The following PLEKHA6 variants were observed in gnomAD, a reference collection of about 807,000 sequenced individuals.
The protein encoded by PLEKHA6 is pleckstrin homology domain-containing family A member 6.
A neutral mutation model predicts 116.7 loss-of-function variants in PLEKHA6; 60 were observed. The ratio of observed to expected loss-of-function variants is 0.51; its 90% CI spans 0.42 to 0.64. The LOEUF is 0.64. Among genes scored for constraint, PLEKHA6 ranks in the 30% least tolerant of loss-of-function variants. PLEKHA6 has a pLI of 0.00. For synonymous variants in PLEKHA6, 489 were observed against 556.1 expected (o/e 0.88, Z 1.70); for missense variants, 1,338 against 1,422.7 (o/e 0.94, Z 0.96).
rs1286145001 is a variant in PLEKHA6 at position 204,328,399 on chromosome 1, C to CA, written c.-95+31294_-95+31295insT. Among the ~76,000 whole-genome samples, 30 of 125,872 alleles carry CA rather than the reference C, an allele frequency of 2.4e-4. No individual in the cohort carries two copies. In the Admixed American group the frequency reaches 2.4e-3, roughly 10 times the overall value. The allele number at this position is 125,872 out of a possible 152,430, so 82.6% of individuals were successfully genotyped here. The stretch of plus-strand genomic sequence containing the variant: ...ACCCAACCCACAGTCAATTTTCTTT[C>CA]TTTTTTTTTTTTTTTAGACAGAGTT... On this transcript the variant is annotated intron_variant, in intron 1 of 22. Transcript: ENST00000272203.
intron 1 of PLEKHA6, among the ~76,000 whole-genome samples, chr1:204,353,183 AT>A (rs969941858): frequency 1.3e-5 from 2 of 152,192 alleles, no homozygotes; most frequent in African/African-American, 4.8e-5. Flanking sequence ...GTTACCAACC[AT>A]TTTGTGACTG....
chr1:204,303,787 A>G (rs1436567318), intron 1 of PLEKHA6, among the ~76,000 whole-genome samples: 1 of 152,162 alleles, frequency 6.6e-6, no homozygotes, highest in Non-Finnish European at 1.5e-5. Context: ...AATCACGGCT[A>G]ACTGCAACCT....
At chr1:204,266,881 C>T (rs2102843017) in intron 5 of PLEKHA6, among the ~76,000 whole-genome samples, 1 of 152,304 alleles carries the variant, frequency 6.6e-6, no homozygotes, top group South Asian at 2.1e-4. Context: ...CCTCAGCCTG[C>T]CTTGGCACAA....
chr1:204,314,946 C>T (rs1000287775), intron 1 of PLEKHA6, among the ~76,000 whole-genome samples: 1 of 151,934 alleles, frequency 6.6e-6, no homozygotes, highest in Non-Finnish European at 1.5e-5. Context: ...CCTCGGTGCC[C>T]TCATGTGATC....
At position 204,261,181 on chromosome 1, in the gene PLEKHA6, G is replaced by T; in HGVS notation, c.524+125C>A. 2.6e-6 allele frequency: 3 copies of T among 1,158,494 alleles called. No homozygotes were observed. Among genetic ancestry groups the T allele is most frequent in the Non-Finnish European group, 2.6e-6 (2 of 782,066 alleles). The allele number at this position is 1,158,494 out of a possible 1,614,324, so 71.8% of individuals were successfully genotyped here. ...GCCTCCCGCCTGGATGCAAGGAGAC[G>T]GCTCACACATTCTCCAGGGCTTCAA... is the stretch of plus-strand genomic sequence containing the variant. On this transcript the variant is annotated intron_variant, in intron 7 of 22. Coordinates refer to ENST00000272203, the MANE Select transcript of PLEKHA6 (RefSeq NM_014935.5). The surrounding 1 kb of genome is among the most constrained non-coding windows in gnomAD (Gnocchi z 4.0).
intron 3 of PLEKHA6, among the ~76,000 whole-genome samples, chr1:204,272,857 T>C (rs1332485994): frequency 6.6e-6 from 1 of 152,256 alleles, no homozygotes; most frequent in East Asian, 1.9e-4. Context: ...CTCCAGTTCA[T>C]TTTAATTTTT....
At chr1:204,303,690 A>T (rs1671025620) in intron 1 of PLEKHA6, among the ~76,000 whole-genome samples, 1 of 152,094 alleles carries the variant, frequency 6.6e-6, no homozygotes, top group African/African-American at 2.4e-5. Context: ...AAATTTACAA[A>T]AGCTCCAATC....
At chr1:204,260,470 C>T (rs1665961340) in intron 7 of PLEKHA6, among the ~76,000 whole-genome samples, 1 of 152,190 alleles carries the variant, frequency 6.6e-6, no homozygotes, top group South Asian at 2.1e-4. Context: ...CACTACAGTG[C>T]CTTGCACATT....
chr1:204,249,505 G>C (rs10900567), intron 10 of PLEKHA6, among the ~76,000 whole-genome samples: 104,611 of 151,892 alleles, frequency 0.69, 36,294 homozygotes, highest in East Asian at 0.82. Context: ...GGGCTGAGAG[G>C]CAAGTGTTAA....
At chr1:204,278,304 T>G (rs1668234378) in intron 1 of PLEKHA6, among the ~76,000 whole-genome samples, 1 of 152,254 alleles carries the variant, frequency 6.6e-6, no homozygotes, top group Non-Finnish European at 1.5e-5. Flanking sequence ...CCAGACCCAC[T>G]GCTATCTTAT....
chr1:204,257,575 A>G lies in PLEKHA6; in HGVS notation c.1302T>C (p.Tyr434=). ...IPSPSRQPVY[Y]DELDAASSSL... ...AGCTAGAGGCGGCATCCAGCTCATC[A>G]TAATAGACTGGCTGCCGGGAGGGGC... Residue 434 remains tyrosine, a synonymous_variant, in exon 9 of 23, where the codon TAT becomes TAC. Coordinates refer to ENST00000272203, the MANE Select transcript of PLEKHA6 (RefSeq NM_014935.5). This position sits in a 1 kb window ranked among gnomAD's most constrained non-coding sequence, Gnocchi z 6.5. 3.7e-6 allele frequency: 6 copies of G among 1,607,372 alleles called. No homozygotes were observed. Among genetic ancestry groups the G allele is most frequent in the Non-Finnish European group, 5.1e-6 (6 of 1,176,772 alleles).
intron 6 of PLEKHA6, among the ~76,000 whole-genome samples, chr1:204,264,331 T>A (rs1012859159): frequency 1.2e-4 from 18 of 151,482 alleles, no homozygotes; most frequent in African/African-American, 4.4e-4. Flanking sequence ...TCCCCAGGGG[T>A]TCAAGGCAGT....
At chr1:204,234,695 C>T (rs1284028111) in intron 17 of PLEKHA6, among the ~76,000 whole-genome samples, 2 of 151,970 alleles carry the variant, frequency 1.3e-5, no homozygotes, top group Non-Finnish European at 2.9e-5. Context: ...ATGGGGAAGG[C>T]AGATCCATCC....
chr1:204,369,998 C>T (rs78476625), intron 2 of PLEKHA6, among the ~76,000 whole-genome samples: 2,759 of 152,288 alleles, frequency 0.018, 73 homozygotes, highest in Middle Eastern at 0.058. Flanking sequence ...ATAATCCTCT[C>T]CCCATTATAA....
At position 204,257,586 on chromosome 1, in the gene PLEKHA6, G is replaced by T; in HGVS notation, c.1291C>A (p.Pro431Thr). Residue 431 changes from proline (P) to threonine (T), a missense_variant, in exon 9 of 23, where the codon CCA becomes ACA. Pro to Thr is a conservative substitution (Grantham distance 38). This residue lies in a region of PLEKHA6 where 1,136 missense variants were observed against 1,163.6 expected (regional missense o/e 0.98). Transcript: ENST00000272203. The surrounding 1 kb of genome is among the most constrained non-coding windows in gnomAD (Gnocchi z 6.5). ...TVWIPSPSRQ[P>T]VYYDELDAAS... ...GCATCCAGCTCATCATAATAGACTG[G>T]CTGCCGGGAGGGGCTTGGGATCCAG... 1 of 1,608,510 alleles carries T rather than the reference G, an allele frequency of 6.2e-7. No homozygotes were observed. The highest frequency in any genetic ancestry group is 8.5e-7 in the Non-Finnish European group (1 of 1,177,536).
chr1:204,242,662 A>G (rs1662993653), intron 15 of PLEKHA6, among the ~76,000 whole-genome samples: 1 of 152,156 alleles, frequency 6.6e-6, no homozygotes, highest in Non-Finnish European at 1.5e-5. Context: ...GTATCCTTAT[A>G]CTACAGGGAC....
chr1:204,296,586 C>A (rs1156569589), intron 1 of PLEKHA6, among the ~76,000 whole-genome samples: 3 of 152,224 alleles, frequency 2.0e-5, no homozygotes, highest in Non-Finnish European at 4.4e-5. Context: ...CACAGCTCCC[C>A]CCAGCTGCCT....
intron 1 of PLEKHA6, among the ~76,000 whole-genome samples, chr1:204,319,678 TC>T (rs1671986522): frequency 6.6e-6 from 1 of 152,136 alleles, no homozygotes; most frequent in Non-Finnish European, 1.5e-5. Context: ...CATGTCTGCC[TC>T]CCCCACAGCA....
chr1:204,320,398 A>G (rs1044960190), intron 1 of PLEKHA6: 1 of 667,488 alleles, frequency 1.5e-6, no homozygotes, highest in Non-Finnish European at 1.9e-6. Context: ...CATGCCCTCC[A>G]TCTGGATTCA....
Sources: allele counts gnomAD v4.1 joint callset (sites outside exome capture counted in the v4.1 genomes callset), GRCh38; gene constraint gnomAD v4.1.1; regional missense constraint gnomAD v4.1.1; non-coding constraint Gnocchi (gnomAD v3.1); transcripts MANE v1.5; gene names NCBI Gene and HGNC (gene_info 2026-07-23, HGNC 2026-07-21).